FILIP1L: variants seen among roughly 807,000 people sequenced by gnomAD.
FILIP1L encodes the protein filamin A-interacting protein 1-like.
A neutral mutation model predicts 96.6 loss-of-function variants in FILIP1L; 55 were observed. The ratio of observed to expected loss-of-function variants is 0.57; its 90% confidence interval spans 0.46 to 0.71. The LOEUF (loss-of-function observed/expected upper bound fraction) is 0.71. FILIP1L is among the 30% of genes least tolerant of loss of function. The pLI is 0.00. For synonymous variants in FILIP1L, 467 were observed against 473.9 expected, an observed-to-expected ratio of 0.99 and a Z score of 0.19; for missense variants, 1,304 against 1,321.2, an observed-to-expected ratio of 0.99 and a Z score of 0.20.
At position 99,848,994 on chromosome 3, in the gene FILIP1L, T is replaced by C; in HGVS notation, c.2682A>G (p.Leu894=). The change falls in exon 5 of 6, where the codon CTA becomes CTG. Residue 894 remains leucine, a synonymous_variant. Coordinates refer to ENST00000477258, the MANE Select transcript of FILIP1L (RefSeq NM_001387850.1). ...ANFVQPGDLV[L]SHTPGQPLHI... is the part of the protein sequence containing the mutation. The stretch of plus-strand genomic sequence containing the variant: ...GAAGTGGCTGCCCAGGTGTGTGGCT[T>C]AGGACTAGATCTCCAGGTTGCACAA... 7 of 1,614,122 alleles carry C rather than the reference T, an allele frequency of 4.3e-6. No individual in the cohort carries two copies. Among genetic ancestry groups the C allele is most frequent in the Non-Finnish European group, 5.9e-6 (7 of 1,180,004 alleles).
intron 1 of FILIP1L, among the ~76,000 whole-genome samples, chr3:100,056,536 C>T (rs1218322702): frequency 6.6e-6 from 1 of 152,182 alleles, no homozygotes; most frequent in African/African-American, 2.4e-5. Flanking sequence ...ATTTTAGCCT[C>T]CAGGTCAGAA....
chr3:99,850,119 T>C lies in FILIP1L; in HGVS notation c.1557A>G (p.Gln519=). 1 of 1,612,830 alleles carries C rather than the reference T, an allele frequency of 6.2e-7. No homozygotes were observed. The highest frequency in any genetic ancestry group is 8.5e-7 in the Non-Finnish European group (1 of 1,179,798). The change falls in exon 5 of 6, where the codon CAA becomes CAG. Residue 519 remains glutamine, a synonymous_variant. Coordinates refer to ENST00000477258, the MANE Select transcript of FILIP1L (RefSeq NM_001387850.1). ...CCACTTGAAGCTGAGAAGAAGCAGC[T>C]TGTAATTTATCTTCAGTTTTCTTTA... The part of the protein sequence containing the change: ...EKLKKTEDKL[Q]AASSQLQVEQ...
At chr3:99,851,974 A>G (rs1224980485) in intron 4 of FILIP1L, among the ~76,000 whole-genome samples, 2 of 152,228 alleles carry the variant, frequency 1.3e-5, no homozygotes, top group Non-Finnish European at 2.9e-5. Context: ...GATGCTAGAC[A>G]TGACAGAAGA....
chr3:100,092,501 G>T (rs1360955974), intron 1 of FILIP1L, among the ~76,000 whole-genome samples: 1 of 151,718 alleles, frequency 6.6e-6, no homozygotes, highest in Non-Finnish European at 1.5e-5. Context: ...ACAAATGGAA[G>T]TTAAGGTCTA....
At chr3:99,942,069 T>C (rs1707866669) in intron 1 of FILIP1L, among the ~76,000 whole-genome samples, 2 of 151,900 alleles carry the variant, frequency 1.3e-5, no homozygotes, top group Admixed American at 1.3e-4. Context: ...ACAAAAAAAT[T>C]AGTGGGGCAT....
intron 1 of FILIP1L, among the ~76,000 whole-genome samples, chr3:100,074,442 A>G (rs1369967389): frequency 6.6e-6 from 1 of 151,802 alleles, no homozygotes; most frequent in Non-Finnish European, 1.5e-5. Context: ...CTAAAATGTA[A>G]CTTGAATACC....
In FILIP1L at chr3:100,038,464, G is replaced by A. The variant is rs9826443; in HGVS notation, c.-11+75589C>T. On this transcript the variant is annotated intron_variant, in intron 1 of 5. Transcript: ENST00000477258. The stretch of plus-strand genomic sequence containing the variant: ...CTTATAGAGAATTCGAGTAGGGAGC[G>A]GAAACAGGCAATACTACTCAGTCAG... Among the ~76,000 whole-genome samples, 853 of 152,130 alleles carry A rather than the reference G, an allele frequency of 5.6e-3. 6 individuals are homozygous for A. The highest frequency in any genetic ancestry group is 0.019 in the African/African-American group (800 of 41,492).
At chr3:100,055,626 C>A (rs1473892330) in intron 1 of FILIP1L, among the ~76,000 whole-genome samples, 1 of 151,858 alleles carries the variant, frequency 6.6e-6, no homozygotes, top group African/African-American at 2.4e-5. Flanking sequence ...GATTAAAAAC[C>A]ACAGCCAGCA....
intron 1 of FILIP1L, among the ~76,000 whole-genome samples, chr3:100,099,846 C>T (rs573469641): frequency 8.9e-4 from 136 of 152,218 alleles, no homozygotes; most frequent in African/African-American, 2.9e-3. Context: ...AAGTATGCAG[C>T]GGTAGAACAT....
chr3:99,883,199 C>T (rs1027832359), intron 4 of FILIP1L, among the ~76,000 whole-genome samples: 14 of 152,132 alleles, frequency 9.2e-5, no homozygotes, highest in African/African-American at 2.9e-4. Flanking sequence ...TAATCAGTGC[C>T]GAACAGCTCC....
intron 3 of FILIP1L, among the ~76,000 whole-genome samples, chr3:99,928,572 A>G (rs768904142): frequency 1.4e-4 from 21 of 152,202 alleles, no homozygotes; most frequent in Non-Finnish European, 2.8e-4. Context: ...CCAATTTTGC[A>G]TGTGCACAAT....
rs1418436255 is a variant in FILIP1L, at chr3:99,929,887, TGCCAAGGGGTAGATTTC to T, written c.378_394del (p.Lys127GlyfsTer5). The T allele has an allele frequency of 1.9e-6, 3 of 1,613,550 alleles. No individual in the cohort carries two copies. The highest frequency in any genetic ancestry group is 2.7e-5 in the African/African-American group (2 of 74,888). ...CATTGGTTTCTCATAGATGTCCTCC[TGCCAAGGGGTAGATTTC>T]GCTTGAAAAGCATCTCTCTGGAGAG... is the stretch of plus-strand genomic sequence containing the variant. On this transcript the variant is annotated frameshift_variant, in exon 3 of 6. Coordinates refer to ENST00000477258, the MANE Select transcript of FILIP1L (RefSeq NM_001387850.1). LOFTEE classifies it high-confidence loss of function.
Position 100,090,273 on chromosome 3 carries a change from G to A in FILIP1L, c.-11+23780C>T, listed in dbSNP as rs193176968. On this transcript the variant is annotated intron_variant, in intron 1 of 5. Coordinates refer to ENST00000477258, the MANE Select transcript of FILIP1L (RefSeq NM_001387850.1). ...TTCAAGATTCAAATTTAACTGTCCC[G>A]ATCTTCTGAGTCTTTAAGATAGTCA... Among the ~76,000 whole-genome samples, 489 of 152,214 alleles carry A rather than the reference G, an allele frequency of 3.2e-3. 6 individuals are homozygous for A. Among genetic ancestry groups the A allele is most frequent in the Non-Finnish European group, 2.9e-3 (194 of 68,008 alleles).
At chr3:99,906,042 C>T (rs1225931786) in intron 4 of FILIP1L, among the ~76,000 whole-genome samples, 2 of 152,014 alleles carry the variant, frequency 1.3e-5, no homozygotes, top group African/African-American at 4.8e-5. Flanking sequence ...AAAATACAAA[C>T]ATTAGCTGGG....
At chr3:100,058,085 G>A (rs1445100877) in intron 1 of FILIP1L, among the ~76,000 whole-genome samples, 2 of 152,208 alleles carry the variant, frequency 1.3e-5, no homozygotes, top group South Asian at 2.1e-4. Context: ...TTTTCTTTTT[G>A]CAGTTGAGGA....
chr3:99,895,559 C>T (rs1352192186), intron 4 of FILIP1L, among the ~76,000 whole-genome samples: 1 of 152,096 alleles, frequency 6.6e-6, no homozygotes, highest in Non-Finnish European at 1.5e-5. Context: ...GAACTTAGTT[C>T]ACAATAGCAT....
At chr3:99,897,591 G>C (rs145491312) in intron 4 of FILIP1L, among the ~76,000 whole-genome samples, 1 of 152,162 alleles carries the variant, frequency 6.6e-6, no homozygotes, top group African/African-American at 2.4e-5. Context: ...ACAATGGGAT[G>C]CCTTATGATG....
At chr3:100,065,814 A>T (rs1403062864) in intron 1 of FILIP1L, among the ~76,000 whole-genome samples, 3 of 152,198 alleles carry the variant, frequency 2.0e-5, no homozygotes, top group Non-Finnish European at 4.4e-5. Flanking sequence ...ATTCAATTCC[A>T]TCAATAAATG....
chr3:100,027,174 G>T (rs769761926), intron 1 of FILIP1L, among the ~76,000 whole-genome samples: 8 of 151,888 alleles, frequency 5.3e-5, no homozygotes, highest in Non-Finnish European at 7.4e-5. Flanking sequence ...TCTGCTTTTT[G>T]TTTCTCCTTA....
Sources: gnomAD v4.1 joint callset for allele counts (sites outside exome capture counted in the v4.1 genomes callset) on GRCh38, gnomAD v4.1.1 for gene constraint, MANE v1.5 for transcripts, NCBI Gene and HGNC (gene_info 2026-07-23, HGNC 2026-07-21) for gene names.